The following ZNF567 variants were observed in gnomAD, a reference collection of about 807,000 sequenced individuals.
ZNF567 encodes zinc finger protein 567.
ZNF567 carries 36 observed loss-of-function variants against 53.9 expected under a neutral mutation model. The ratio of observed to expected loss-of-function variants is 0.67; its 90% confidence interval spans 0.51 to 0.88. The LOEUF (loss-of-function observed/expected upper bound fraction) is 0.88. Among genes scored for constraint, ZNF567 ranks in the 40% least tolerant of loss-of-function variants. The pLI is 0.00. For missense variants in ZNF567, 619 were observed against 764.7 expected, an observed-to-expected ratio of 0.81 and a Z score of 2.25; for synonymous variants, 224 against 260.4, an observed-to-expected ratio of 0.86 and a Z score of 1.35.
At position 36,719,281 on chromosome 19, in the gene ZNF567, A is replaced by C; in HGVS notation, c.557A>C (p.Gln186Pro). 1.2e-6 allele frequency: 2 copies of C among 1,614,094 alleles called. No individual in the cohort carries two copies. The highest frequency in any genetic ancestry group is 1.7e-6 in the Non-Finnish European group (2 of 1,180,008). Residue 186 changes from glutamine (Q) to proline (P), a missense_variant, in exon 6 of 6, where the codon CAA (glutamine) becomes CCA (proline). By Grantham distance (76) the Gln-to-Pro change is moderately conservative (BLOSUM62 -1). Coordinates refer to ENST00000682579, the MANE Select transcript of ZNF567 (RefSeq NM_001322917.1). Reference sequence around the variant, plus strand: ...CATCCTGAAGTCAAATCCCATAATCAAAGTGCCAGAGCTTTCAGTCATAAT... The same window carrying C: ...CATCCTGAAGTCAAATCCCATAATCCAAGTGCCAGAGCTTTCAGTCATAAT... ...TTHPEVKSHNQSARAFSHNEV... is the reference protein window; with the variant it reads ...TTHPEVKSHNPSARAFSHNEV...
rs2040291785 is a variant in ZNF567, at chr19:36,721,228, C to T, written c.*560C>T. 1 of 152,074 alleles carries T rather than the reference C, an allele frequency of 6.6e-6. No homozygotes were observed. The highest frequency in any genetic ancestry group is 1.5e-5 in the Non-Finnish European group (1 of 68,004). The allele number at this position is 152,074 out of a possible 1,614,324, so 9.4% of individuals were successfully genotyped here. A position where few individuals can be genotyped will look rare whatever the true frequency, so the allele number is the denominator to read the frequency against. ...GTGGCAGTAGTGTATTTTCATTTTG[C>T]ATACTATTCCATTTTAAGAATATAT... On this transcript the variant is annotated 3_prime_UTR_variant, in exon 6 of 6. Coordinates refer to ENST00000682579, the MANE Select transcript of ZNF567 (RefSeq NM_001322917.1).
At chr19:36,702,714 C>T (rs1225911028) in intron 3 of ZNF567, among the ~76,000 whole-genome samples, 1 of 152,330 alleles carries the variant, frequency 6.6e-6, no homozygotes, top group Non-Finnish European at 1.5e-5. Flanking sequence ...CAGTTGATCG[C>T]ATCGGCTCCT....
At chr19:36,669,928 C>T in the ZNF567 span, among the ~76,000 whole-genome samples, 1 of 152,216 alleles carries the variant, frequency 6.6e-6, no homozygotes, top group Non-Finnish European at 1.5e-5. Context: ...GATTTCCTAT[C>T]TATTTAACTT....
chr19:36,669,242 T>C, the ZNF567 span: 1 of 152,160 alleles, frequency 6.6e-6, no homozygotes, highest in Non-Finnish European at 1.5e-5. Context: ...GCGAATATGC[T>C]CAAGTCTCTG....
At chr19:36,714,922 T>C (rs539098433) in intron 5 of ZNF567, among the ~76,000 whole-genome samples, 103 of 152,316 alleles carry the variant, frequency 6.8e-4, no homozygotes, top group African/African-American at 2.4e-3. Context: ...CGGTCTTATT[T>C]CTCTCATATG....
At chr19:36,722,857 A>G (rs2040315890), downstream of ZNF567, among the ~76,000 whole-genome samples, 4 of 152,158 alleles carry the variant, frequency 2.6e-5, no homozygotes, top group South Asian at 8.3e-4. Flanking sequence ...CACACAGAAA[A>G]CACACGTGTG....
At position 36,720,120 on chromosome 19, in the gene ZNF567, GCACATCAGAGAA is replaced by G; in HGVS notation, c.1402_1413del (p.Gln468_His471del). On this transcript the variant is annotated inframe_deletion, in exon 6 of 6. Coordinates refer to ENST00000682579, the MANE Select transcript of ZNF567 (RefSeq NM_001322917.1). ...CTTCCGCCAGAAGACAACCCTTGTAGCACATCAGAGAACACATACAGGGGAGAAATCTTATGA... is the reference window on the plus strand; with the variant it reads ...CTTCCGCCAGAAGACAACCCTTGTAGCACATACAGGGGAGAAATCTTATGA... 1 of 1,614,004 alleles carries G rather than the reference GCACATCAGAGAA, an allele frequency of 6.2e-7. No homozygotes were observed. Among genetic ancestry groups the G allele is most frequent in the Non-Finnish European group, 8.5e-7 (1 of 1,180,000 alleles).
chr19:36,678,573 G>A, the ZNF567 span, among the ~76,000 whole-genome samples: 2 of 152,082 alleles, frequency 1.3e-5, no homozygotes, highest in African/African-American at 2.4e-5. Context: ...GGCCGGGTGC[G>A]GTGGCTCACG....
Position 36,708,730 on chromosome 19 carries a change from ATACCATGTAGCCTTTTCAGAG to A in ZNF567, c.10-3654_10-3634del, listed in dbSNP as rs551608452. Among the ~76,000 whole-genome samples the A allele has an allele frequency of 2.6e-3, 399 of 152,322 alleles. 3 individuals carry two copies. The highest frequency in any genetic ancestry group is 8.8e-3 in the African/African-American group (367 of 41,566). On this transcript the variant is annotated intron_variant, in intron 3 of 5. Coordinates refer to ENST00000682579, the MANE Select transcript of ZNF567 (RefSeq NM_001322917.1). ...ATTTGGTTAGAATCTGGAAGACTATATACCATGTAGCCTTTTCAGAGTGGCTTCATTCACTTCGTAATATGC... is the reference window on the plus strand; with the variant it reads ...ATTTGGTTAGAATCTGGAAGACTATATGGCTTCATTCACTTCGTAATATGC...
chr19:36,722,111 G>A (rs2040310129), downstream of ZNF567, among the ~76,000 whole-genome samples: 1 of 152,120 alleles, frequency 6.6e-6, no homozygotes, highest in Non-Finnish European at 1.5e-5. Context: ...TAAGTGACTA[G>A]AGAGATTTTG....
intron 3 of ZNF567, among the ~76,000 whole-genome samples, chr19:36,710,471 T>A (rs2039724525): frequency 6.6e-6 from 1 of 152,148 alleles, no homozygotes; most frequent in South Asian, 2.1e-4. Flanking sequence ...AATTCTGTTA[T>A]ATCTGTTATG....
intron 3 of ZNF567, among the ~76,000 whole-genome samples, chr19:36,706,490 C>T (rs2039494076): frequency 6.6e-6 from 1 of 151,998 alleles, no homozygotes; most frequent in South Asian, 2.1e-4. Context: ...GACACAATTT[C>T]ACCATGTTGC....
chr19:36,682,609 TATTA>T (rs1326255076), upstream of ZNF567, among the ~76,000 whole-genome samples: 1 of 145,230 alleles, frequency 6.9e-6, no homozygotes, highest in African/African-American at 2.6e-5. Flanking sequence ...TTATTATTAT[TATTA>T]TTTTTTTTTT....
At chr19:36,684,473 G>GA (rs2038231610), upstream of ZNF567, among the ~76,000 whole-genome samples, 10 of 152,118 alleles carry the variant, frequency 6.6e-5, no homozygotes, top group Admixed American at 6.6e-4. Flanking sequence ...AATTCTGGCT[G>GA]AAGAGACCCA....
At chr19:36,698,124 T>C (rs1306821512) in intron 3 of ZNF567, among the ~76,000 whole-genome samples, 3 of 152,140 alleles carry the variant, frequency 2.0e-5, no homozygotes, top group Admixed American at 6.6e-5. Flanking sequence ...CCTTCCTGTG[T>C]CCATGTGTTC....
At chr19:36,676,756 G>A in the ZNF567 span, among the ~76,000 whole-genome samples, 1 of 152,178 alleles carries the variant, frequency 6.6e-6, no homozygotes, top group South Asian at 2.1e-4. Flanking sequence ...GGTGGCTCGC[G>A]CTTGTAATCC....
intron 3 of ZNF567, among the ~76,000 whole-genome samples, chr19:36,708,266 A>G (rs991513383): frequency 6.6e-6 from 1 of 152,014 alleles, no homozygotes; most frequent in African/African-American, 2.4e-5. Context: ...CCTCATGAAT[A>G]TTAGTCCTAT....
the ZNF567 span, among the ~76,000 whole-genome samples, chr19:36,675,381 A>G: frequency 6.6e-6 from 1 of 152,002 alleles, no homozygotes; most frequent in African/African-American, 2.4e-5. Flanking sequence ...TCTCTACAAA[A>G]AATAAAAAAT....
intron 5 of ZNF567, among the ~76,000 whole-genome samples, chr19:36,718,229 G>A (rs537508514): frequency 6.6e-6 from 1 of 152,302 alleles, no homozygotes; most frequent in African/African-American, 2.4e-5. Flanking sequence ...GCCGGGCACA[G>A]TGGCTCATAC....
Sources: gnomAD v4.1 joint callset for allele counts (sites outside exome capture counted in the v4.1 genomes callset) on GRCh38, gnomAD v4.1.1 for gene constraint, MANE v1.5 for transcripts, NCBI Gene and HGNC (gene_info 2026-07-23, HGNC 2026-07-21) for gene names.